Variants in PELI2 observed in about 807,000 individuals in gnomAD.
PELI2 encodes E3 ubiquitin-protein ligase pellino homolog 2.
PELI2 carries 23 observed loss-of-function variants against 42.3 expected under a neutral mutation model. The ratio of observed to expected loss-of-function variants is 0.54; its 90% CI spans 0.39 to 0.77. PELI2 has a LOEUF of 0.77. Ranked by LOEUF, PELI2 falls within the 30% of genes least tolerant of loss-of-function variation. PELI2 has a pLI of 0.00. For synonymous variants in PELI2, 245 were observed against 212.2 expected, an observed-to-expected ratio of 1.15 and a Z score of -1.34; for missense variants, 463 against 553.2, an observed-to-expected ratio of 0.84 and a Z score of 1.64.
intron 1 of PELI2, among the ~76,000 whole-genome samples, chr14:56,120,164 G>T (rs1883009552): frequency 6.6e-6 from 1 of 152,138 alleles, no homozygotes; most frequent in Non-Finnish European, 1.5e-5. Flanking sequence ...AAATATCAGG[G>T]TTCACAGGAA....
intron 5 of PELI2, among the ~76,000 whole-genome samples, chr14:56,293,278 A>G (rs974958622): frequency 8.5e-5 from 13 of 152,176 alleles, no homozygotes; most frequent in Non-Finnish European, 1.8e-4. Flanking sequence ...TGCTTCCACA[A>G]TACTGTCAAT....
intron 2 of PELI2, among the ~76,000 whole-genome samples, chr14:56,275,831 T>TA (rs1889273825): frequency 6.6e-6 from 1 of 152,288 alleles, no homozygotes. Flanking sequence ...TTTATGATGT[T>TA]AAAGAGCTTT....
intron 5 of PELI2, among the ~76,000 whole-genome samples, chr14:56,293,424 T>C (rs1475678512): frequency 2.0e-5 from 3 of 152,236 alleles, no homozygotes; most frequent in African/African-American, 7.2e-5. Flanking sequence ...TGGTATTGAA[T>C]TGACGACGTA....
rs1162597384 is a variant in PELI2, at chr14:56,300,381, A to G, written c.*3215A>G. 6.6e-6 allele frequency: 1 copy of G among 152,594 alleles called. No homozygotes were observed. The highest frequency in any genetic ancestry group is 1.5e-5 in the Non-Finnish European group (1 of 68,030). The allele number at this position is 152,594 out of a possible 1,614,324, so 9.5% of individuals were successfully genotyped here. On this transcript the variant is annotated 3_prime_UTR_variant, in exon 6 of 6. Transcript: ENST00000267460. ...CCAGTACCAATAGGGAAATTATTTT[A>G]AGTTATTACATTTACTGTATTGGGA...
At chr14:56,142,782 A>T (rs890396345) in intron 1 of PELI2, among the ~76,000 whole-genome samples, 3 of 152,136 alleles carry the variant, frequency 2.0e-5, no homozygotes, top group Non-Finnish European at 2.9e-5. Context: ...GATGAAAAAA[A>T]CTACTGCCCT....
At chr14:56,160,910 C>T (rs1481189156) in intron 1 of PELI2, among the ~76,000 whole-genome samples, 1 of 152,118 alleles carries the variant, frequency 6.6e-6, no homozygotes, top group South Asian at 2.1e-4. Context: ...GAGCTGGAAT[C>T]CCTCTCTCAT....
chr14:56,121,983 A>T (rs559956483), intron 1 of PELI2, among the ~76,000 whole-genome samples: 1 of 152,364 alleles, frequency 6.6e-6, no homozygotes, highest in East Asian at 1.9e-4. Context: ...TGTTTGACTC[A>T]TTGGTGTTAG....
At chr14:56,253,193 A>G (rs900969758) in intron 2 of PELI2, among the ~76,000 whole-genome samples, 1 of 152,208 alleles carries the variant, frequency 6.6e-6, no homozygotes, top group Non-Finnish European at 1.5e-5. Context: ...GTATTGATGG[A>G]TGTATCTCAA....
At position 56,297,428 on chromosome 14, in the gene PELI2, A is replaced by T. The variant is rs192206242; in HGVS notation, c.*262A>T. ...TTGTAATAATTGGATTTAAAATGCT[A>T]TGCTTCTATTTTTAACCTTGGGTTT... On this transcript the variant is annotated 3_prime_UTR_variant, in exon 6 of 6. Coordinates refer to ENST00000267460, the MANE Select transcript of PELI2 (RefSeq NM_021255.3). The T allele has an allele frequency of 1.0e-4, 36 of 352,478 alleles. 1 individual carries two copies. The East Asian group carries it at 1.6e-3, about 16-fold the overall frequency. The allele number at this position is 352,478 out of a possible 1,614,324, so 21.8% of individuals were successfully genotyped here. A position where few individuals can be genotyped will look rare whatever the true frequency, so the allele number is the denominator to read the frequency against.
intron 1 of PELI2, among the ~76,000 whole-genome samples, chr14:56,126,875 G>C (rs911150087): frequency 6.6e-6 from 1 of 152,172 alleles, no homozygotes; most frequent in Non-Finnish European, 1.5e-5. Context: ...TTACATTATG[G>C]TTTGGGTACT....
chr14:56,296,548 G>C, intron 5 of PELI2, 52 bp from the exon 6 acceptor site: 1 of 1,204,200 alleles, frequency 8.3e-7, no homozygotes, highest in Non-Finnish European at 1.2e-6. Context: ...GAATCTTGGA[G>C]TGATTTGCTT....
intron 2 of PELI2, among the ~76,000 whole-genome samples, chr14:56,261,130 C>T (rs1291028277): frequency 6.6e-6 from 1 of 151,852 alleles, no homozygotes; most frequent in East Asian, 1.9e-4. Flanking sequence ...ACTTTTTAGA[C>T]TGGATACTAT....
chr14:56,244,565 C>G (rs935167982), intron 2 of PELI2, among the ~76,000 whole-genome samples: 3 of 152,108 alleles, frequency 2.0e-5, no homozygotes, highest in African/African-American at 7.2e-5. Flanking sequence ...TGACAGGGCA[C>G]CAGCTGAGTA....
chr14:56,169,081 T>C (rs1034516566), intron 1 of PELI2, among the ~76,000 whole-genome samples: 7 of 152,120 alleles, frequency 4.6e-5, no homozygotes, highest in South Asian at 2.1e-4. Flanking sequence ...CTCTACCGTC[T>C]CCTCTCTTCA....
intron 2 of PELI2, among the ~76,000 whole-genome samples, chr14:56,275,544 T>A (rs1889260890): frequency 6.6e-6 from 1 of 152,148 alleles, no homozygotes; most frequent in Non-Finnish European, 1.5e-5. Context: ...TAGATTCTCA[T>A]AAGGAGCGCA....
chr14:56,204,978 C>A (rs868634616), intron 2 of PELI2, among the ~76,000 whole-genome samples: 6 of 147,090 alleles, frequency 4.1e-5, no homozygotes, highest in Non-Finnish European at 8.9e-5. Flanking sequence ...TGCAGTGAGC[C>A]GAGACCATGC....
At chr14:56,237,632 T>G (rs1201120737) in intron 2 of PELI2, among the ~76,000 whole-genome samples, 1 of 151,308 alleles carries the variant, frequency 6.6e-6, no homozygotes, top group Non-Finnish European at 1.5e-5. Context: ...CAATATGGTT[T>G]GAGGTAAATC....
In PELI2 at chr14:56,297,355, A is replaced by G. The variant is rs1890043919; in HGVS notation, c.*189A>G. On this transcript the variant is annotated 3_prime_UTR_variant, in exon 6 of 6. Coordinates refer to ENST00000267460, the MANE Select transcript of PELI2 (RefSeq NM_021255.3). ...ATACCAGTGGTGTGTTGCATGCTCA[A>G]AACAGCAGCGTCGTCATTGAAGTCT... 2 of 549,170 alleles carry G rather than the reference A, an allele frequency of 3.6e-6. No homozygotes were observed. Among genetic ancestry groups the G allele is most frequent in the Non-Finnish European group, 6.5e-6 (2 of 309,776 alleles). The allele number at this position is 549,170 out of a possible 1,614,324, so 34.0% of individuals were successfully genotyped here.
chr14:56,230,783 C>T (rs1887532425), intron 2 of PELI2, among the ~76,000 whole-genome samples: 1 of 152,128 alleles, frequency 6.6e-6, no homozygotes, highest in Non-Finnish European at 1.5e-5. Context: ...GCTAAATGTT[C>T]CAATTAAAAG....
Sources: allele counts gnomAD v4.1 joint callset (sites outside exome capture counted in the v4.1 genomes callset), GRCh38; gene constraint gnomAD v4.1.1; transcripts MANE v1.5; gene names NCBI Gene and HGNC (gene_info 2026-07-23, HGNC 2026-07-21).